The following GFI1B variants were observed in gnomAD, a reference collection of about 807,000 sequenced individuals.
The protein encoded by GFI1B is growth factor independent 1B transcriptional repressor.
Under a neutral mutation model 35.3 loss-of-function variants are expected in GFI1B, and 20 were observed. The ratio of observed to expected loss-of-function variants is 0.57; its 90% CI spans 0.40 to 0.82. The LOEUF is 0.82. GFI1B is among the 40% of genes least tolerant of loss of function. GFI1B has a pLI of 0.00. For missense variants in GFI1B, 430 were observed against 446.3 expected (o/e 0.96, Z 0.33); for synonymous variants, 178 against 177.6 (o/e 1.00, Z -0.02).
At chr9:132,946,635 A>G (rs886178338) in intron 1 of GFI1B, 1 of 152,242 alleles carries the variant, frequency 6.6e-6, no homozygotes. Flanking sequence ...CAGGGAAGGG[A>G]TTCAAGATTT....
At chr9:132,965,807 G>T (rs1175799033) in intron 1 of GFI1B, among the ~76,000 whole-genome samples, 1 of 152,142 alleles carries the variant, frequency 6.6e-6, no homozygotes. Flanking sequence ...CTCCAGAATT[G>T]ACAGGCAAGA....
intron 1 of GFI1B, among the ~76,000 whole-genome samples, chr9:132,981,949 C>T (rs1396469381): frequency 5.3e-5 from 8 of 152,178 alleles, no homozygotes; most frequent in Admixed American, 5.2e-4. Context: ...GACGGGGTTT[C>T]CCCATGTTGG....
chr9:132,965,477 G>A (rs1344730534), intron 1 of GFI1B, among the ~76,000 whole-genome samples: 2 of 152,268 alleles, frequency 1.3e-5, no homozygotes, highest in Non-Finnish European at 2.9e-5. Flanking sequence ...CTCAGTACCT[G>A]TGAATGTGAC....
intron 6 of GFI1B, among the ~76,000 whole-genome samples, chr9:132,990,388 C>T (rs113581260): frequency 6.6e-6 from 1 of 151,902 alleles, no homozygotes; most frequent in Non-Finnish European, 1.5e-5. Flanking sequence ...TTCATTTGTT[C>T]ACTCATTTGC....
At chr9:132,986,280 C>G (rs942461552) in intron 1 of GFI1B, among the ~76,000 whole-genome samples, 2 of 147,822 alleles carry the variant, frequency 1.4e-5, no homozygotes, top group African/African-American at 2.7e-5. Context: ...ATAGAAGCTC[C>G]GAGTTCTGGC....
downstream of GFI1B, chr9:132,991,723 A>G (rs1461576351): frequency 6.4e-6 from 1 of 156,232 alleles, no homozygotes; most frequent in Non-Finnish European, 1.4e-5. Context: ...TTAAGTGCCT[A>G]TGAGGTCCAG....
chr9:132,983,970 C>T (rs1340041270), intron 1 of GFI1B, among the ~76,000 whole-genome samples: 3 of 152,196 alleles, frequency 2.0e-5, no homozygotes, highest in African/African-American at 7.2e-5. Context: ...CAGCGGGACT[C>T]AGCATCTGGA....
At position 132,989,708 on chromosome 9, in the gene GFI1B, A is replaced by C. The variant is rs1372965545; in HGVS notation, c.649-34A>C. ...CGGCCGGGTCCAGTCCTGAGCCTGCACCTGACCCCCCGGGGCCTCATTTCC... is the reference window on the plus strand; with the variant it reads ...CGGCCGGGTCCAGTCCTGAGCCTGCCCCTGACCCCCCGGGGCCTCATTTCC... On this transcript the variant is annotated intron_variant, in intron 5 of 6. Coordinates refer to ENST00000372122, the MANE Select transcript of GFI1B (RefSeq NM_001377304.1). The surrounding 1 kb of genome is among the most constrained non-coding windows in gnomAD (Gnocchi z 6.2). The C allele has an allele frequency of 6.3e-7, 1 of 1,599,964 alleles. No homozygotes were observed. Among genetic ancestry groups the C allele is most frequent in the East Asian group, 2.2e-5 (1 of 44,718 alleles).
In GFI1B at chr9:132,988,344, C is replaced by T; in HGVS notation, c.386C>T (p.Ala129Val). 1.2e-6 allele frequency: 2 copies of T among 1,614,176 alleles called. No homozygotes were observed. The highest frequency in any genetic ancestry group is 1.7e-6 in the Non-Finnish European group (2 of 1,180,006). ...CAGGCCCCCTCCACCATGCAGTCAGCCTTCCTGGAGCACTCCGTCAGCCTG... is the reference window on the plus strand; with the variant it reads ...CAGGCCCCCTCCACCATGCAGTCAGTCTTCCTGGAGCACTCCGTCAGCCTG... The part of the protein sequence containing the change: ...YRQAPSTMQS[A>V]FLEHSVSLYG... The change falls in exon 4 of 7, where the codon GCC (alanine) becomes GTC (valine). Residue 129 changes from alanine to valine, a missense_variant. Ala to Val is a moderately conservative substitution (Grantham distance 64). Coordinates refer to ENST00000372122, the MANE Select transcript of GFI1B (RefSeq NM_001377304.1).
At chr9:132,950,342 G>C (rs1035120285) in intron 1 of GFI1B, among the ~76,000 whole-genome samples, 9 of 151,888 alleles carry the variant, frequency 5.9e-5, no homozygotes, top group Non-Finnish European at 1.5e-5. Context: ...CCTGCCCTGA[G>C]CCCACTACCC....
chr9:132,946,576 A>T (rs1848107834), intron 1 of GFI1B: 2 of 152,354 alleles, frequency 1.3e-5, no homozygotes, highest in Middle Eastern at 3.4e-3. Context: ...CAGTTCCACC[A>T]ATCTGCAAAC....
chr9:132,960,015 C>A (rs1848340763), intron 1 of GFI1B, among the ~76,000 whole-genome samples: 1 of 152,170 alleles, frequency 6.6e-6, no homozygotes, highest in Non-Finnish European at 1.5e-5. Flanking sequence ...ATAATTCAGT[C>A]CCCTATACCT....
At chr9:132,992,695 C>T (rs762878866), downstream of GFI1B, among the ~76,000 whole-genome samples, 1 of 152,164 alleles carries the variant, frequency 6.6e-6, no homozygotes, top group Non-Finnish European at 1.5e-5. Flanking sequence ...GGTCTTCTCT[C>T]TCCTCTGATA....
intron 1 of GFI1B, among the ~76,000 whole-genome samples, chr9:132,970,443 A>C (rs1848516394): frequency 6.6e-6 from 1 of 152,114 alleles, no homozygotes. Context: ...GCACGCATGC[A>C]CGCACGCACG....
upstream of GFI1B, among the ~76,000 whole-genome samples, chr9:132,974,205 G>C (rs1848584422): frequency 6.6e-6 from 1 of 152,202 alleles, no homozygotes; most frequent in Admixed American, 6.5e-5. Flanking sequence ...AAGCCCTGGA[G>C]AGTCTAAGCC....
At chr9:132,962,128 T>A (rs1467388446) in intron 1 of GFI1B, among the ~76,000 whole-genome samples, 2 of 110,736 alleles carry the variant, frequency 1.8e-5, no homozygotes, top group Non-Finnish European at 3.7e-5. Flanking sequence ...ACAGAATTGT[T>A]TTTTTTTTCT....
intron 1 of GFI1B, 70 bp from the exon 2 acceptor site, chr9:132,986,589 G>A: frequency 2.6e-6 from 2 of 780,340 alleles, no homozygotes; most frequent in Non-Finnish European, 4.5e-6. Context: ...ATCTCAGGAG[G>A]AGGTTCTGAG....
intron 1 of GFI1B, among the ~76,000 whole-genome samples, chr9:132,971,696 G>A (rs1161661181): frequency 2.0e-5 from 3 of 152,296 alleles, no homozygotes; most frequent in Non-Finnish European, 2.9e-5. Context: ...ACTGTTGGCC[G>A]GGCATGGTGG....
At chr9:132,957,678 G>T (rs961088956) in intron 1 of GFI1B, among the ~76,000 whole-genome samples, 1 of 152,036 alleles carries the variant, frequency 6.6e-6, no homozygotes, top group African/African-American at 2.4e-5. Context: ...GACCATTTTT[G>T]TCGGTGGTAG....
Sources: gnomAD v4.1 joint callset for allele counts (sites outside exome capture counted in the v4.1 genomes callset) on GRCh38, gnomAD v4.1.1 for gene constraint, Gnocchi (gnomAD v3.1) non-coding constraint, MANE v1.5 for transcripts, NCBI Gene and HGNC (gene_info 2026-07-23, HGNC 2026-07-21) for gene names.